Variants in SLC44A1 observed in about 807,000 individuals in gnomAD.
The protein encoded by SLC44A1 is solute carrier family 44 member 1.
In SLC44A1, 26 loss-of-function variants were observed where a neutral mutation model predicts 79.3. The observed-to-expected ratio is 0.33, with a 90% CI of 0.24 to 0.46. The LOEUF (loss-of-function observed/expected upper bound fraction) is 0.46, where lower values mean the gene tolerates loss of function less well. Among genes scored for constraint, SLC44A1 ranks in the 20% least tolerant of loss-of-function variants. The pLI, the probability that SLC44A1 is intolerant of heterozygous loss-of-function variation, is 1.00. For missense variants in SLC44A1, 688 were observed against 798.1 expected, an observed-to-expected ratio of 0.86 and a Z score of 1.66; for synonymous variants, 263 against 286.2, an observed-to-expected ratio of 0.92 and a Z score of 0.82.
At chr9:105,364,762 G>C in intron 10 of SLC44A1, 42 bp downstream of exon 10, 1 of 1,542,570 alleles carries the variant, frequency 6.5e-7, no homozygotes, top group Non-Finnish European at 8.9e-7. Context: ...TTCATCTAAG[G>C]GATGGTGTCC....
intron 3 of SLC44A1, among the ~76,000 whole-genome samples, chr9:105,327,014 G>A (rs1352578795): frequency 6.6e-6 from 1 of 152,132 alleles, no homozygotes; most frequent in Non-Finnish European, 1.5e-5. Flanking sequence ...TGTCCTAACC[G>A]TTTAGTCTGA....
At chr9:105,265,660 G>A (rs889933899) in intron 1 of SLC44A1, among the ~76,000 whole-genome samples, 1 of 152,188 alleles carries the variant, frequency 6.6e-6, no homozygotes, top group Non-Finnish European at 1.5e-5. Context: ...GGGTTGTATG[G>A]TAAGTGAATG....
chr9:105,280,043 T>C (rs1403827958), intron 1 of SLC44A1, among the ~76,000 whole-genome samples: 1 of 152,166 alleles, frequency 6.6e-6, no homozygotes, highest in Non-Finnish European at 1.5e-5. Flanking sequence ...TTAAAATAAA[T>C]AAATGAACTA....
chr9:105,266,944 A>T (rs1444557463), intron 1 of SLC44A1, among the ~76,000 whole-genome samples: 3 of 152,068 alleles, frequency 2.0e-5, no homozygotes, highest in South Asian at 2.1e-4. Context: ...TATGAATGTG[A>T]TGTAGTTCTC....
At chr9:105,246,648 C>T (rs909872021) in intron 1 of SLC44A1, among the ~76,000 whole-genome samples, 1 of 152,036 alleles carries the variant, frequency 6.6e-6, no homozygotes, top group African/African-American at 2.4e-5. Flanking sequence ...TAATTTTCAC[C>T]AAAAAGGTGT....
chr9:105,375,985 A>G (rs558561730), intron 13 of SLC44A1, among the ~76,000 whole-genome samples: 1 of 152,196 alleles, frequency 6.6e-6, no homozygotes, highest in East Asian at 1.9e-4. Context: ...TTTACATTAC[A>G]TCATATACAT....
In SLC44A1 at chr9:105,365,495, T is replaced by C; in HGVS notation, c.1266T>C (p.Asn422=). The C allele has an allele frequency of 6.2e-7, 1 of 1,612,246 alleles. No individual in the cohort carries two copies. The highest frequency in any genetic ancestry group is 8.5e-7 in the Non-Finnish European group (1 of 1,178,796). ...ATTTTTTAAATAGGGATAAAAGGAA[T>C]TTGCCATTTACACCTATTTTGGCAT... The part of the protein sequence containing the change: ...VTYYFTRDKR[N]LPFTPILASV... Residue 422 remains asparagine, a synonymous_variant, in exon 11 of 16, where the codon AAT becomes AAC. Transcript: ENST00000374720.
chr9:105,363,303 C>T (rs1293903001), intron 9 of SLC44A1, among the ~76,000 whole-genome samples: 3 of 152,066 alleles, frequency 2.0e-5, no homozygotes, highest in Non-Finnish European at 4.4e-5. Flanking sequence ...GCTGGGACTA[C>T]AGGCACATGC....
At position 105,394,730 on chromosome 9, in the gene SLC44A1, A is replaced by G. The variant is rs1010381626; in HGVS notation, c.*5674A>G. The G allele has an allele frequency of 2.1e-5, 21 of 985,434 alleles. No homozygotes were observed. Among genetic ancestry groups the G allele is most frequent in the Non-Finnish European group, 1.7e-5 (14 of 829,934 alleles). The allele number at this position is 985,434 out of a possible 1,614,324, so 61.0% of individuals were successfully genotyped here. On this transcript the variant is annotated 3_prime_UTR_variant, in exon 16 of 16. Coordinates refer to ENST00000374720, the MANE Select transcript of SLC44A1 (RefSeq NM_080546.5). ...AAATTAGCAAACTCAAGGGTAGTCC[A>G]TAGTTGGCAAAAAATAAATTTGGTA...
chr9:105,335,629 G>C lies in SLC44A1; in HGVS notation c.336G>C (p.Leu112=). The change falls in exon 4 of 16, where the codon CTG becomes CTC. Residue 112 remains leucine (L), a synonymous_variant. Coordinates refer to ENST00000374720, the MANE Select transcript of SLC44A1 (RefSeq NM_080546.5). The part of the protein sequence containing the change: ...LINRKIKSVA[L]CVAACPRQEL... ...ACCGGAAGATTAAGTCTGTAGCACT[G>C]TGTGTAGCAGCGTGTCCAAGGCAAG... 6.2e-7 allele frequency: 1 copy of C among 1,613,572 alleles called. No individual in the cohort carries two copies. The highest frequency in any genetic ancestry group is 8.5e-7 in the Non-Finnish European group (1 of 1,179,586).
Position 105,395,177 on chromosome 9 carries a change from C to T in SLC44A1, c.*6121C>T, listed in dbSNP as rs529941354. ...AGAAAGGAGAAAAGTCAGCCCCCTA[C>T]CCCACCCCACACTCCTAGAAAAGTT... On this transcript the variant is annotated 3_prime_UTR_variant, in exon 16 of 16. Transcript: ENST00000374720. 1.4e-5 allele frequency: 14 copies of T among 985,358 alleles called. No homozygotes were observed. The South Asian group carries it at 6.6e-4, about 46-fold the overall frequency. 61.0% of individuals were successfully genotyped at this position (985,358 alleles called of 1,614,324 possible).
chr9:105,377,937 C>G (rs1828343365), intron 13 of SLC44A1, among the ~76,000 whole-genome samples: 1 of 151,722 alleles, frequency 6.6e-6, no homozygotes, highest in South Asian at 2.1e-4. Flanking sequence ...ATATACTGAT[C>G]AATACATAGA....
chr9:105,400,495 G>A (rs10991650), downstream of SLC44A1, among the ~76,000 whole-genome samples: 7 of 13,562 alleles, frequency 5.2e-4, no homozygotes, highest in East Asian at 0.013. Context: ...CTCAAAAAAA[G>A]AAAAAGAAAA....
chr9:105,303,730 T>C (rs940113695), intron 2 of SLC44A1, among the ~76,000 whole-genome samples: 2 of 152,224 alleles, frequency 1.3e-5, no homozygotes, highest in African/African-American at 4.8e-5. Flanking sequence ...GACCCCACTC[T>C]GTTGCCTGGA....
intron 3 of SLC44A1, among the ~76,000 whole-genome samples, chr9:105,316,447 T>G (rs1040996721): frequency 6.6e-6 from 1 of 152,194 alleles, no homozygotes; most frequent in African/African-American, 2.4e-5. Context: ...AAAATATACA[T>G]GTACATAGAA....
chr9:105,362,107 G>T (rs1827801548), intron 8 of SLC44A1, among the ~76,000 whole-genome samples: 2 of 152,048 alleles, frequency 1.3e-5, no homozygotes, highest in South Asian at 4.1e-4. Flanking sequence ...TTGCTGCTTA[G>T]GTATTAAGCA....
chr9:105,309,644 G>A, intron 2 of SLC44A1, 80 bp from the exon 3 acceptor site: 1 of 1,298,518 alleles, frequency 7.7e-7, no homozygotes, highest in Non-Finnish European at 1.1e-6. Context: ...CAGACAAAAA[G>A]AAGCTCATTA....
chr9:105,390,144 C>T lies in SLC44A1; in HGVS notation c.*1088C>T, dbSNP rs1828726529. On this transcript the variant is annotated 3_prime_UTR_variant, in exon 16 of 16. Transcript: ENST00000374720. ...CTGAAGAATTGGCTAATGTTTTGAT[C>T]CTCCAGTGTGACTGTTGTTTTTGTT... 12 of 1,224,214 alleles carry T rather than the reference C, an allele frequency of 9.8e-6. No homozygotes were observed. Among genetic ancestry groups the T allele is most frequent in the Non-Finnish European group, 1.0e-5 (10 of 978,314 alleles). The allele number at this position is 1,224,214 out of a possible 1,614,324, so 75.8% of individuals were successfully genotyped here.
chr9:105,335,745 C>T lies in SLC44A1; in HGVS notation c.406+46C>T, dbSNP rs1268784072. On this transcript the variant is annotated intron_variant, in intron 4 of 15. Transcript: ENST00000374720. ...AATCTATGTCCTGTCACCTTGTTCT[C>T]TTTGTTAAATATAAATTTGCCCTAG... is the stretch of plus-strand genomic sequence containing the variant. 1.9e-6 allele frequency: 3 copies of T among 1,556,336 alleles called. No individual in the cohort carries two copies. In the East Asian group the frequency reaches 6.9e-5, roughly 36 times the overall value.
Sources: gnomAD v4.1 joint callset for allele counts (sites outside exome capture counted in the v4.1 genomes callset) on GRCh38, gnomAD v4.1.1 for gene constraint, MANE v1.5 for transcripts, NCBI Gene and HGNC (gene_info 2026-07-23, HGNC 2026-07-21) for gene names.